The following TMEM178A variants were observed in gnomAD, a reference collection of about 807,000 sequenced individuals.
TMEM178A encodes transmembrane protein 178A, also known as transmembrane protein 178.
TMEM178A carries 12 observed loss-of-function variants against 29.1 expected under a neutral mutation model. That is an observed-to-expected ratio of 0.41 (90% confidence interval 0.26 to 0.67). The LOEUF is 0.67. Ranked by LOEUF, TMEM178A falls within the 30% of genes least tolerant of loss-of-function variation. The pLI is 0.29. For synonymous variants in TMEM178A, 210 were observed against 187.2 expected (o/e 1.12, Z -0.99); for missense variants, 366 against 419.1 (o/e 0.87, Z 1.11).
In TMEM178A at chr2:39,666,044, A is replaced by G; in HGVS notation, c.70A>G (p.Thr24Ala). Residue 24 changes from threonine to alanine, a missense_variant, in exon 1 of 4, where the codon ACG (threonine) becomes GCG (alanine). This residue lies in a region of TMEM178A where 247 missense variants were observed against 246.8 expected (regional missense o/e 1.00). Transcript: ENST00000281961. Reference sequence around the variant, plus strand: ...CCTGTGCTCCCTGGGGCTGCTCGTCACGGCCATCTTCACCGACCACTGGTA... The same window carrying G: ...CCTGTGCTCCCTGGGGCTGCTCGTCGCGGCCATCTTCACCGACCACTGGTA... ...LSLCSLGLLV[T>A]AIFTDHWYET... 1.3e-6 allele frequency: 2 copies of G among 1,560,180 alleles called. No individual in the cohort carries two copies. The highest frequency in any genetic ancestry group is 1.7e-6 in the Non-Finnish European group (2 of 1,156,918).
chr2:39,698,786 A>G (rs766001123), intron 1 of TMEM178A, among the ~76,000 whole-genome samples: 3 of 151,934 alleles, frequency 2.0e-5, no homozygotes, highest in African/African-American at 4.8e-5. Flanking sequence ...CCATCTGGTC[A>G]TGGAATTTTC....
In TMEM178A at chr2:39,684,189, T is replaced by C. The variant is rs183271533; in HGVS notation, c.400+17815T>C. On this transcript the variant is annotated intron_variant, in intron 1 of 3. Transcript: ENST00000281961. ...TGATATTTATCTTGTGGTTTAAGAT[T>C]TAGGGTTGCTAAATATCAGGTGCTA... is the stretch of plus-strand genomic sequence containing the variant. Among the ~76,000 whole-genome samples the C allele has an allele frequency of 3.9e-5, 6 of 152,294 alleles. No homozygotes were observed. The East Asian group carries it at 7.7e-4, about 20-fold the overall frequency.
chr2:39,714,073 A>G (rs574609753), intron 3 of TMEM178A, among the ~76,000 whole-genome samples: 3 of 152,280 alleles, frequency 2.0e-5, no homozygotes, highest in Admixed American at 2.0e-4. Flanking sequence ...CATTCTTAGA[A>G]ATGCGAGGGT....
intron 1 of TMEM178A, among the ~76,000 whole-genome samples, chr2:39,693,476 A>G (rs1671407469): frequency 6.6e-6 from 1 of 152,138 alleles, no homozygotes; most frequent in Non-Finnish European, 1.5e-5. Context: ...TGAGACAGTG[A>G]CTCCGGGAAC....
intron 1 of TMEM178A, among the ~76,000 whole-genome samples, chr2:39,680,967 G>A (rs1670845491): frequency 6.6e-6 from 1 of 151,974 alleles, no homozygotes. Context: ...TTTGTATTAT[G>A]AATCTGGATT....
chr2:39,735,038 A>G, the TMEM178A span, among the ~76,000 whole-genome samples: 1 of 152,094 alleles, frequency 6.6e-6, no homozygotes, highest in African/African-American at 2.4e-5. Context: ...CCTACAATCA[A>G]TTTGCAATAT....
intron 1 of TMEM178A, 31 bp downstream of exon 1, chr2:39,666,405 C>A: frequency 5.4e-6 from 7 of 1,307,946 alleles, no homozygotes; most frequent in Non-Finnish European, 6.8e-6. Flanking sequence ...GCGTCCCCGG[C>A]GCCCGCGCGT....
rs1672601275 is a variant in TMEM178A at position 39,717,586 on chromosome 2, G to C, written c.*335G>C. The C allele has an allele frequency of 5.0e-6, 1 of 199,796 alleles. No homozygotes were observed. Among genetic ancestry groups the C allele is most frequent in the African/African-American group, 2.3e-5 (1 of 43,222 alleles). The allele number at this position is 199,796 out of a possible 1,614,324, so 12.4% of individuals were successfully genotyped here. ...AAGTTTGTATGTAACAATTACCCGA[G>C]AGTCATTTCTACTTGCAAAAGGATT... is the stretch of plus-strand genomic sequence containing the variant. On this transcript the variant is annotated 3_prime_UTR_variant, in exon 4 of 4. Transcript: ENST00000281961.
chr2:39,711,805 A>G (rs1672313260), intron 3 of TMEM178A, among the ~76,000 whole-genome samples: 1 of 152,184 alleles, frequency 6.6e-6, no homozygotes, highest in Non-Finnish European at 1.5e-5. Flanking sequence ...TTATTTTAGA[A>G]GAGTAACACG....
chr2:39,675,512 CCACCGATACAG>C (rs376794600), intron 1 of TMEM178A, among the ~76,000 whole-genome samples: 108 of 152,258 alleles, frequency 7.1e-4, no homozygotes, highest in African/African-American at 2.6e-3. Flanking sequence ...GTTGACTTAA[CCACCGATACAG>C]ATGATTCTGC....
the TMEM178A span, among the ~76,000 whole-genome samples, chr2:39,727,571 T>A: frequency 1.3e-5 from 2 of 152,214 alleles, no homozygotes; most frequent in African/African-American, 2.4e-5. Context: ...TTAGCTTTTT[T>A]ATTTTTTAAT....
intron 3 of TMEM178A, among the ~76,000 whole-genome samples, chr2:39,712,600 A>G (rs1197219579): frequency 1.3e-5 from 2 of 152,066 alleles, no homozygotes; most frequent in East Asian, 1.9e-4. Flanking sequence ...GAAACCAGTA[A>G]TTTATTCACT....
downstream of TMEM178A, chr2:39,718,078 C>T (rs1465822640): frequency 2.0e-5 from 3 of 152,470 alleles, no homozygotes; most frequent in Non-Finnish European, 2.9e-5. Context: ...ATAATTGCTT[C>T]ATTTCAATTA....
At chr2:39,701,800 C>T (rs1241502444) in intron 1 of TMEM178A, among the ~76,000 whole-genome samples, 1 of 151,936 alleles carries the variant, frequency 6.6e-6, no homozygotes, top group Non-Finnish European at 1.5e-5. Context: ...TTTTTTCTAC[C>T]TCCTCAAAAC....
chr2:39,665,808 G>A (rs1670116948), upstream of TMEM178A: 7 of 609,108 alleles, frequency 1.1e-5, no homozygotes, highest in Non-Finnish European at 1.7e-5. Context: ...TCAGGCCAGG[G>A]GAGAGGGAGC....
chr2:39,722,555 T>C (rs1672725236), downstream of TMEM178A, among the ~76,000 whole-genome samples: 1 of 152,140 alleles, frequency 6.6e-6, no homozygotes, highest in African/African-American at 2.4e-5. Flanking sequence ...AGTTTAAGTG[T>C]GAACTTGATC....
intron 1 of TMEM178A, among the ~76,000 whole-genome samples, chr2:39,676,679 A>G (rs896875708): frequency 6.6e-6 from 1 of 152,212 alleles, no homozygotes; most frequent in Non-Finnish European, 1.5e-5. Context: ...ACACCTGAAC[A>G]AAATCTGGCT....
intron 2 of TMEM178A, among the ~76,000 whole-genome samples, chr2:39,705,549 G>C (rs544097534): frequency 3.5e-4 from 53 of 152,232 alleles, no homozygotes; most frequent in Admixed American, 1.8e-3. Context: ...ACTGCTCCTG[G>C]CCCCTTATTC....
chr2:39,734,911 A>G, the TMEM178A span, among the ~76,000 whole-genome samples: 13 of 152,292 alleles, frequency 8.5e-5, no homozygotes, highest in Non-Finnish European at 1.8e-4. Context: ...ATACATCCAG[A>G]ATCCATGTGC....
Sources: gnomAD v4.1 joint callset for allele counts (sites outside exome capture counted in the v4.1 genomes callset) on GRCh38, gnomAD v4.1.1 for gene constraint, gnomAD v4.1.1 regional missense constraint, MANE v1.5 for transcripts, NCBI Gene and HGNC (gene_info 2026-07-23, HGNC 2026-07-21) for gene names.